Variants in TAFA1 observed in about 807,000 individuals in gnomAD.
TAFA1 encodes TAFA chemokine like family member 1, also known as chemokine-like protein TAFA-1.
A neutral mutation model predicts 18.5 loss-of-function variants in TAFA1; 4 were observed. The observed-to-expected ratio is 0.22, with a 90% confidence interval of 0.11 to 0.49. TAFA1 has a LOEUF of 0.49. Ranked by LOEUF, TAFA1 falls within the 20% of genes least tolerant of loss-of-function variation. The pLI, the probability that TAFA1 is intolerant of heterozygous loss-of-function variation, is 0.98. For missense variants in TAFA1, 147 were observed against 169.0 expected, an observed-to-expected ratio of 0.87 and a Z score of 0.72; for synonymous variants, 56 against 55.2, an observed-to-expected ratio of 1.01 and a Z score of -0.06.
rs530522449 is a variant in TAFA1, at chr3:68,476,878, A to G, written c.259+59458A>G. Among the ~76,000 whole-genome samples the G allele has an allele frequency of 3.3e-5, 5 of 152,180 alleles. No individual in the cohort carries two copies. The South Asian group carries it at 1.0e-3, about 31-fold the overall frequency. ...GGATGAAATGAGTATGTTCTATCAT[A>G]ATGGTTAATTTTTATTATTTTGATC... On this transcript the variant is annotated intron_variant, in intron 3 of 4. Coordinates refer to ENST00000478136, the MANE Select transcript of TAFA1 (RefSeq NM_213609.4).
chr3:68,262,319 A>T (rs5014032), intron 2 of TAFA1, among the ~76,000 whole-genome samples: 8 of 51,950 alleles, frequency 1.5e-4, no homozygotes, highest in East Asian at 2.1e-3. Flanking sequence ...ATATATATAT[A>T]TATATATATA....
chr3:68,167,802 G>C (rs970007645), intron 2 of TAFA1, among the ~76,000 whole-genome samples: 1 of 152,184 alleles, frequency 6.6e-6, no homozygotes, highest in Middle Eastern at 3.4e-3. Flanking sequence ...TTACTTCCAA[G>C]ATAGGGTGGA....
At chr3:68,334,466 A>G (rs2106737925) in intron 2 of TAFA1, among the ~76,000 whole-genome samples, 1 of 152,282 alleles carries the variant, frequency 6.6e-6, no homozygotes. Flanking sequence ...TTTCAAATAT[A>G]TCTACATTGG....
At chr3:68,490,694 TTTACA>T (rs1318177946) in intron 3 of TAFA1, among the ~76,000 whole-genome samples, 1 of 152,192 alleles carries the variant, frequency 6.6e-6, no homozygotes, top group Non-Finnish European at 1.5e-5. Context: ...AAATATGCCA[TTTACA>T]TTAACATGTG....
chr3:68,352,299 T>C (rs924614388), intron 2 of TAFA1, among the ~76,000 whole-genome samples: 4 of 151,938 alleles, frequency 2.6e-5, no homozygotes, highest in African/African-American at 9.7e-5. Flanking sequence ...ACGCATGCAG[T>C]ACACATCATG....
At chr3:68,156,323 A>G (rs774644925) in intron 2 of TAFA1, among the ~76,000 whole-genome samples, 11 of 152,210 alleles carry the variant, frequency 7.2e-5, no homozygotes, top group Non-Finnish European at 1.2e-4. Flanking sequence ...AGGATCCAAA[A>G]GCAGGCATGC....
At chr3:68,198,876 A>G (rs1227993790) in intron 2 of TAFA1, among the ~76,000 whole-genome samples, 1 of 151,504 alleles carries the variant, frequency 6.6e-6, no homozygotes, top group African/African-American at 2.4e-5. Flanking sequence ...AATTTTAATG[A>G]AACCCAACTT....
intron 3 of TAFA1, among the ~76,000 whole-genome samples, chr3:68,510,983 G>C (rs570711513): frequency 5.3e-4 from 81 of 152,194 alleles, no homozygotes; most frequent in African/African-American, 1.9e-3. Context: ...TTTGATTTCT[G>C]TCTGTTCTTG....
At chr3:68,417,554 C>A in intron 3 of TAFA1, 134 bp downstream of exon 3, 1 of 787,206 alleles carries the variant, frequency 1.3e-6, no homozygotes. Flanking sequence ...ATACAATTGC[C>A]AGCCTCAGCA....
intron 3 of TAFA1, among the ~76,000 whole-genome samples, chr3:68,430,286 G>C (rs1344036181): frequency 6.6e-6 from 1 of 151,980 alleles, no homozygotes; most frequent in Non-Finnish European, 1.5e-5. Flanking sequence ...TGCAGGCATA[G>C]AAGAGAGCAT....
chr3:68,437,450 G>A (rs2071284563), intron 3 of TAFA1, among the ~76,000 whole-genome samples: 1 of 152,064 alleles, frequency 6.6e-6, no homozygotes, highest in Admixed American at 6.6e-5. Context: ...ATTTCTTACA[G>A]TTCTGAAGGC....
chr3:68,033,346 T>G (rs1330270785), intron 2 of TAFA1, among the ~76,000 whole-genome samples: 1 of 152,194 alleles, frequency 6.6e-6, no homozygotes, highest in East Asian at 1.9e-4. Context: ...CTGACATATC[T>G]GGAACATTCT....
At chr3:68,474,146 C>T (rs1479263322) in intron 3 of TAFA1, among the ~76,000 whole-genome samples, 1 of 151,018 alleles carries the variant, frequency 6.6e-6, no homozygotes, top group Non-Finnish European at 1.5e-5. Context: ...GAACTGTTGT[C>T]TAACATCATA....
At chr3:68,437,697 C>T (rs532057678) in intron 3 of TAFA1, among the ~76,000 whole-genome samples, 74 of 152,164 alleles carry the variant, frequency 4.9e-4, no homozygotes, top group African/African-American at 1.7e-3. Flanking sequence ...GTCCTTATGA[C>T]CCAATTACCC....
chr3:68,079,167 T>C (rs976672029), intron 2 of TAFA1, among the ~76,000 whole-genome samples: 2 of 152,378 alleles, frequency 1.3e-5, no homozygotes, highest in African/African-American at 4.8e-5. Flanking sequence ...ATCCCCTTTA[T>C]CATTTTTTAT....
At chr3:68,494,735 C>A (rs920468607) in intron 3 of TAFA1, among the ~76,000 whole-genome samples, 3 of 152,170 alleles carry the variant, frequency 2.0e-5, no homozygotes, top group Non-Finnish European at 4.4e-5. Flanking sequence ...TATTTTTAAG[C>A]CTCTGTTATT....
At chr3:68,493,518 T>C (rs2072491707) in intron 3 of TAFA1, among the ~76,000 whole-genome samples, 1 of 152,230 alleles carries the variant, frequency 6.6e-6, no homozygotes, top group Non-Finnish European at 1.5e-5. Flanking sequence ...TTGAAATTGC[T>C]GGATCATACA....
At chr3:68,544,394 T>C in intron 4 of TAFA1, 92 bp from the exon 5 acceptor site, 1 of 1,302,502 alleles carries the variant, frequency 7.7e-7, no homozygotes. Flanking sequence ...TCCTAAAGAT[T>C]CAAGGTGTCC....
intron 3 of TAFA1, among the ~76,000 whole-genome samples, chr3:68,455,371 C>A (rs544514160): frequency 9.9e-5 from 15 of 152,140 alleles, no homozygotes; most frequent in African/African-American, 3.4e-4. Flanking sequence ...TTTTTCATTT[C>A]TCTAAAAATG....
Sources: gnomAD v4.1 joint callset for allele counts (sites outside exome capture counted in the v4.1 genomes callset) on GRCh38, gnomAD v4.1.1 for gene constraint, MANE v1.5 for transcripts, NCBI Gene and HGNC (gene_info 2026-07-23, HGNC 2026-07-21) for gene names.